Variants in RNF128 observed in about 807,000 individuals in gnomAD.
The protein encoded by RNF128 is ring finger protein 128.
In RNF128, 13 loss-of-function variants were observed where a neutral mutation model predicts 26.2. The ratio of observed to expected loss-of-function variants is 0.50; its 90% confidence interval spans 0.32 to 0.79. The LOEUF is 0.79. Ranked by LOEUF, RNF128 falls within the 30% of genes least tolerant of loss-of-function variation. RNF128 has a pLI of 0.03. For missense variants in RNF128, 315 were observed against 349.7 expected (o/e 0.90, Z 0.79); for synonymous variants, 149 against 142.5 (o/e 1.05, Z -0.32).
chrX:106,752,944 A>G (rs1929924244), intron 1 of RNF128, among the ~76,000 whole-genome samples: 1 of 111,426 alleles, frequency 9.0e-6, no homozygotes, highest in Admixed American at 9.6e-5. Flanking sequence ...GAGTCTTTCA[A>G]CAGCAGAACT....
chrX:106,725,641 T>C (rs1051239201), upstream of RNF128, among the ~76,000 whole-genome samples: 7 of 112,639 alleles, frequency 6.2e-5, no homozygotes, highest in Non-Finnish European at 1.3e-4. Flanking sequence ...ATGTTTTTTA[T>C]ATTGCTAAGC....
chrX:106,788,397 TATATATA>T (rs1189587784), intron 4 of RNF128, among the ~76,000 whole-genome samples: 153 of 41,462 alleles, frequency 3.7e-3, no homozygotes, highest in East Asian at 0.011. Context: ...TAATATATAT[TATATATA>T]ATATATAATA....
chrX:106,774,239 A>C (rs1335189986), intron 2 of RNF128, among the ~76,000 whole-genome samples: 1 of 112,106 alleles, frequency 8.9e-6, no homozygotes, highest in African/African-American at 3.2e-5. Context: ...TTTACTGAGA[A>C]AATTGAAGCA....
chrX:106,722,576 G>A (rs765829542), upstream of RNF128, among the ~76,000 whole-genome samples: 2 of 111,802 alleles, frequency 1.8e-5, no homozygotes, highest in Non-Finnish European at 3.8e-5. Context: ...TCCATAGAGT[G>A]GAAGTACTTT....
chrX:106,701,732 T>A (rs1357638430), intron 1 of RNF128, among the ~76,000 whole-genome samples: 3 of 111,516 alleles, frequency 2.7e-5, no homozygotes, highest in East Asian at 2.8e-4. Flanking sequence ...AGTAAAAGCA[T>A]CTTGACAAGT....
Position 106,772,893 on chromosome X carries a change from G to T in RNF128, c.485-20G>T. The T allele has an allele frequency of 8.4e-7, 1 of 1,190,217 alleles. No individual in the cohort carries two copies. Among genetic ancestry groups the T allele is most frequent in the Non-Finnish European group, 1.1e-6 (1 of 885,157 alleles). Reference sequence around the variant, plus strand: ...AAGAATGTTTCACCAAACTAAAACTGAATTTGTTTTATTTTACAGGTGCAG... The same window carrying T: ...AAGAATGTTTCACCAAACTAAAACTTAATTTGTTTTATTTTACAGGTGCAG... On this transcript the variant is annotated intron_variant, in intron 1 of 6. Transcript: ENST00000255499.
At chrX:106,772,832 C>T (rs1930397447) in intron 1 of RNF128, 81 bp from the exon 2 acceptor site, 2 of 985,514 alleles carry the variant, frequency 2.0e-6, no homozygotes, top group South Asian at 4.8e-5. Context: ...CATTGAGACC[C>T]ATTTAAAATC....
chrX:106,750,916 A>G (rs1448128541), intron 1 of RNF128, among the ~76,000 whole-genome samples: 1 of 112,087 alleles, frequency 8.9e-6, no homozygotes, highest in Non-Finnish European at 1.9e-5. Context: ...AACAGTTTAG[A>G]AACAAATAAT....
intron 4 of RNF128, 103 bp downstream of exon 4, chrX:106,788,103 A>C: frequency 7.0e-6 from 3 of 427,877 alleles, no homozygotes; most frequent in Non-Finnish European, 1.1e-5. Context: ...AATGTAAAAA[A>C]TGTTTATTTT....
chrX:106,755,228 T>C (rs1028386034), intron 1 of RNF128, among the ~76,000 whole-genome samples: 1 of 111,295 alleles, frequency 9.0e-6, no homozygotes, highest in African/African-American at 3.3e-5. Flanking sequence ...AAAACCTGAA[T>C]AGACCAATAA....
At chrX:106,747,325 A>ACTAT (rs1324634198) in intron 1 of RNF128, among the ~76,000 whole-genome samples, 1 of 112,072 alleles carries the variant, frequency 8.9e-6, no homozygotes, top group Non-Finnish European at 1.9e-5. Context: ...TGGGGTTTAG[A>ACTAT]CTATCTGTTG....
chrX:106,786,294 T>C (rs1930657034), intron 3 of RNF128, among the ~76,000 whole-genome samples: 1 of 111,766 alleles, frequency 8.9e-6, no homozygotes, highest in African/African-American at 3.2e-5. Context: ...TGATTTTCCA[T>C]AAAAGTGCAA....
intron 1 of RNF128, among the ~76,000 whole-genome samples, chrX:106,704,068 CAG>C (rs1308465507): frequency 9.1e-6 from 1 of 109,412 alleles, no homozygotes; most frequent in African/African-American, 3.3e-5. Flanking sequence ...CATGGCCAAG[CAG>C]AGAGGAAGGT....
At chrX:106,773,454 C>T (rs757762558) in intron 2 of RNF128, among the ~76,000 whole-genome samples, 77 of 111,067 alleles carry the variant, frequency 6.9e-4, no homozygotes, top group African/African-American at 2.4e-3. Flanking sequence ...ACATTTTTTT[C>T]TAAATTACAA....
intron 1 of RNF128, among the ~76,000 whole-genome samples, chrX:106,767,904 A>T (rs1226726657): frequency 8.9e-6 from 1 of 111,835 alleles, no homozygotes. Context: ...TACCTAGTTT[A>T]TTGAGAGTTT....
At chrX:106,795,525 G>C (rs1930899299) in intron 6 of RNF128, 55 bp from the exon 7 acceptor site, 2 of 1,103,557 alleles carry the variant, frequency 1.8e-6, no homozygotes, top group Admixed American at 2.9e-5. Flanking sequence ...GTTGAATTTT[G>C]TCTTAAAAGA....
intron 1 of RNF128, among the ~76,000 whole-genome samples, chrX:106,759,686 A>G (rs1930086874): frequency 8.9e-6 from 1 of 112,271 alleles, no homozygotes. Flanking sequence ...AGCCAGGCAC[A>G]GAAAGACAAA....
At chrX:106,793,533 T>G (rs1238416757) in intron 6 of RNF128, among the ~76,000 whole-genome samples, 1 of 111,391 alleles carries the variant, frequency 9.0e-6, no homozygotes, top group East Asian at 2.8e-4. Flanking sequence ...ATCAAAACTA[T>G]AAACTTGACT....
intron 1 of RNF128, among the ~76,000 whole-genome samples, chrX:106,715,007 A>G (rs764618363): frequency 8.9e-6 from 1 of 112,211 alleles, no homozygotes; most frequent in South Asian, 3.7e-4. Flanking sequence ...TGAAGTTGCT[A>G]TGAAAATTTG....
Sources: gnomAD v4.1 joint callset for allele counts (sites outside exome capture counted in the v4.1 genomes callset) on GRCh38, gnomAD v4.1.1 for gene constraint, MANE v1.5 for transcripts, NCBI Gene and HGNC (gene_info 2026-07-23, HGNC 2026-07-21) for gene names.